Variants in ACSM3 observed in about 807,000 individuals in gnomAD.
The protein encoded by ACSM3 is acyl-coenzyme A synthetase ACSM3, mitochondrial.
ACSM3 carries 61 observed loss-of-function variants against 74.1 expected under a neutral mutation model. The observed-to-expected ratio is 0.82, with a 90% CI of 0.67 to 1.02. ACSM3 has a LOEUF of 1.02. Ranked by LOEUF, ACSM3 falls within the 50% of genes least tolerant of loss-of-function variation. The pLI is 0.00. For missense variants in ACSM3, 660 were observed against 697.0 expected, an observed-to-expected ratio of 0.95 and a Z score of 0.60; for synonymous variants, 213 against 241.5, an observed-to-expected ratio of 0.88 and a Z score of 1.09.
At chr16:20,796,781 T>G in intron 13 of ACSM3, 105 bp from the exon 14 acceptor site, 1 of 1,550,632 alleles carries the variant, frequency 6.4e-7, no homozygotes, top group South Asian at 1.2e-5. Context: ...TTCCAAAGAC[T>G]ATTCTAATTC....
At chr16:20,781,163 A>G in intron 6 of ACSM3, 33 bp downstream of exon 6, 1 of 1,610,926 alleles carries the variant, frequency 6.2e-7, no homozygotes. Context: ...CAATATTTAG[A>G]AATGCATTAA....
At chr16:20,738,750 G>T in intron 1 of ACSM3, 1 of 896,788 alleles carries the variant, frequency 1.1e-6, no homozygotes, top group Non-Finnish European at 1.7e-6. Flanking sequence ...CCTCTCCACA[G>T]GCCAACTGCT....
intron 1 of ACSM3, among the ~76,000 whole-genome samples, chr16:20,692,504 G>T (rs904071729): frequency 1.3e-5 from 2 of 152,126 alleles, no homozygotes; most frequent in African/African-American, 4.8e-5. Context: ...GTTTTATTGT[G>T]CACCGGTATC....
At chr16:20,752,041 T>A (rs2079992572) in intron 2 of ACSM3, among the ~76,000 whole-genome samples, 1 of 152,272 alleles carries the variant, frequency 6.6e-6, no homozygotes. Flanking sequence ...ATAAATGATA[T>A]GAGCTATCTA....
chr16:20,708,113 C>CAA (rs2079733066), intron 1 of ACSM3, among the ~76,000 whole-genome samples: 1 of 152,156 alleles, frequency 6.6e-6, no homozygotes, highest in Non-Finnish European at 1.5e-5. Flanking sequence ...CCAAGCTGGC[C>CAA]AACATGGTGA....
chr16:20,737,869 A>C, intron 1 of ACSM3: 1 of 1,613,916 alleles, frequency 6.2e-7, no homozygotes, highest in Non-Finnish European at 8.5e-7. Flanking sequence ...TGTGCCTGAG[A>C]TGGGTAACAT....
At chr16:20,724,553 T>G (rs2079797946) in intron 1 of ACSM3, among the ~76,000 whole-genome samples, 2 of 152,228 alleles carry the variant, frequency 1.3e-5, no homozygotes, top group South Asian at 4.2e-4. Context: ...GAGAAGGAAA[T>G]AAAGGGCATT....
chr16:20,727,677 T>A (rs999075412), intron 1 of ACSM3, among the ~76,000 whole-genome samples: 7 of 152,072 alleles, frequency 4.6e-5, no homozygotes, highest in Non-Finnish European at 7.4e-5. Flanking sequence ...CATTCCTGCC[T>A]CCCCCTCATG....
chr16:20,691,031 C>T (rs776491132), intron 1 of ACSM3: 1 of 1,613,656 alleles, frequency 6.2e-7, no homozygotes, highest in Non-Finnish European at 8.5e-7. Context: ...CAGTACATAA[C>T]TTGCAAAGTT....
chr16:20,693,594 C>T (rs933677045), intron 1 of ACSM3, among the ~76,000 whole-genome samples: 1 of 152,134 alleles, frequency 6.6e-6, no homozygotes, highest in African/African-American at 2.4e-5. Context: ...CTAGTAATGG[C>T]CAGTGATGCT....
Position 20,713,955 on chromosome 16 carries a change from G to C in ACSM3, c.-189-35955G>C, listed in dbSNP as rs550541679. 3.3e-5 allele frequency among the ~76,000 whole-genome samples: 5 copies of C among 152,286 alleles called. No homozygotes were observed. In the South Asian group the frequency reaches 1.0e-3, roughly 32 times the overall value. On this transcript the variant is annotated intron_variant, in intron 1 of 3. Transcript: ENST00000561584. ...AATGTGGGCTAATTTTACACTGTTAGAGTTGATCTTCTATTCAAGGAGTTC... is the reference window on the plus strand; with the variant it reads ...AATGTGGGCTAATTTTACACTGTTACAGTTGATCTTCTATTCAAGGAGTTC...
intron 1 of ACSM3, among the ~76,000 whole-genome samples, chr16:20,742,811 ATATTT>A (rs749514680): frequency 0.011 from 359 of 32,990 alleles, 1 homozygote; most frequent in Non-Finnish European, 0.026. Context: ...ATATATATAT[ATATTT>A]TTTTTTTTTC....
chr16:20,692,822 G>A (rs2079666755), intron 1 of ACSM3, among the ~76,000 whole-genome samples: 1 of 152,138 alleles, frequency 6.6e-6, no homozygotes, highest in Non-Finnish European at 1.5e-5. Flanking sequence ...AGAATTTATG[G>A]TTTGTAGGGC....
At chr16:20,714,180 A>G (rs1197026427) in intron 1 of ACSM3, among the ~76,000 whole-genome samples, 1 of 151,294 alleles carries the variant, frequency 6.6e-6, no homozygotes, top group Non-Finnish European at 1.5e-5. Flanking sequence ...CTCCAGTTTC[A>G]GGAACAGCAA....
intron 1 of ACSM3, among the ~76,000 whole-genome samples, chr16:20,743,296 G>C (rs1196115128): frequency 6.6e-6 from 1 of 152,010 alleles, no homozygotes; most frequent in Non-Finnish European, 1.5e-5. Context: ...TACTCAAAAG[G>C]CTTCCAGTAA....
intron 2 of ACSM3, among the ~76,000 whole-genome samples, chr16:20,774,052 A>G (rs1368047712): frequency 6.6e-6 from 1 of 152,120 alleles, no homozygotes. Context: ...TTGGGTGCGT[A>G]TATATTTACA....
intron 1 of ACSM3, among the ~76,000 whole-genome samples, chr16:20,676,851 T>C (rs920009850): frequency 6.6e-6 from 1 of 151,450 alleles, no homozygotes; most frequent in African/African-American, 2.4e-5. Flanking sequence ...ATAAGGAGAA[T>C]GGTCAAGGCC....
At chr16:20,768,701 A>G (rs908588172) in intron 1 of ACSM3, among the ~76,000 whole-genome samples, 1 of 152,158 alleles carries the variant, frequency 6.6e-6, no homozygotes, top group Non-Finnish European at 1.5e-5. Flanking sequence ...CCACTGCTCT[A>G]TTGAAATCCT....
chr16:20,727,974 C>T (rs369602071), intron 1 of ACSM3, among the ~76,000 whole-genome samples: 1 of 152,234 alleles, frequency 6.6e-6, no homozygotes, highest in Admixed American at 6.5e-5. Flanking sequence ...TTCAACAATG[C>T]TCCAGAATCT....
Sources: gnomAD v4.1 joint callset for allele counts (sites outside exome capture counted in the v4.1 genomes callset) on GRCh38, gnomAD v4.1.1 for gene constraint, MANE v1.5 for transcripts, NCBI Gene and HGNC (gene_info 2026-07-23, HGNC 2026-07-21) for gene names.